Variants in ENOX2 observed in about 807,000 individuals in gnomAD.
The protein encoded by ENOX2 is APK1 antigen.
Under a neutral mutation model 45.0 loss-of-function variants are expected in ENOX2, and 36 were observed. The observed-to-expected ratio is 0.80, with a 90% CI of 0.61 to 1.06. The LOEUF is 1.06. Ranked by LOEUF, ENOX2 falls within the 50% of genes least tolerant of loss-of-function variation. The pLI is 0.00. For missense variants in ENOX2, 423 were observed against 462.5 expected, an observed-to-expected ratio of 0.91 and a Z score of 0.78; for synonymous variants, 174 against 152.3, an observed-to-expected ratio of 1.14 and a Z score of -1.05.
intron 3 of ENOX2, among the ~76,000 whole-genome samples, chrX:130,746,232 C>G (rs1478922756): frequency 8.9e-6 from 1 of 112,168 alleles, no homozygotes; most frequent in Non-Finnish European, 1.9e-5. Context: ...CCAGAAGACA[C>G]TGTACTCACC....
At chrX:130,632,172 T>G (rs149994633) in intron 12 of ENOX2, among the ~76,000 whole-genome samples, 3 of 110,808 alleles carry the variant, frequency 2.7e-5, no homozygotes, top group East Asian at 6.1e-4. Flanking sequence ...CACTGACAGT[T>G]AATCAACTGT....
intron 12 of ENOX2, among the ~76,000 whole-genome samples, chrX:130,632,062 T>TAA (rs747314160): frequency 9.0e-6 from 1 of 111,266 alleles, no homozygotes; most frequent in Non-Finnish European, 1.9e-5. Context: ...CTGTTAATGG[T>TAA]AAGTCCCATC....
At chrX:130,781,388 T>C (rs1265799042) in intron 3 of ENOX2, among the ~76,000 whole-genome samples, 1 of 112,476 alleles carries the variant, frequency 8.9e-6, no homozygotes, top group Non-Finnish European at 1.9e-5. Flanking sequence ...TGAATGCAAA[T>C]TGTTCTGCTA....
chrX:130,845,938 G>A (rs1024477626), intron 2 of ENOX2, among the ~76,000 whole-genome samples: 4 of 112,554 alleles, frequency 3.6e-5, no homozygotes, highest in South Asian at 3.7e-4. Flanking sequence ...CGTGCATTGT[G>A]CTTGCTGGTC....
intron 5 of ENOX2, among the ~76,000 whole-genome samples, chrX:130,682,216 C>T (rs1442299070): frequency 1.8e-5 from 2 of 110,295 alleles, no homozygotes; most frequent in Non-Finnish European, 3.8e-5. Context: ...TTTGAGTTTC[C>T]TTTAGTCTAC....
chrX:130,743,473 A>AT (rs144700742), intron 3 of ENOX2, among the ~76,000 whole-genome samples: 1,251 of 97,714 alleles, frequency 0.013, 20 homozygotes, highest in African/African-American at 0.036. Context: ...CCTATGAGGG[A>AT]TTTTTTTTTT....
chrX:130,761,566 G>A lies in ENOX2; in HGVS notation c.-39+21981C>T, dbSNP rs144035324. Among the ~76,000 whole-genome samples, 432 of 111,728 alleles carry A rather than the reference G, an allele frequency of 3.9e-3. 2 individuals carry two copies. The highest frequency in any genetic ancestry group is 0.014 in the African/African-American group (417 of 30,732). On this transcript the variant is annotated intron_variant, in intron 3 of 14. Coordinates refer to ENST00000394363, the MANE Select transcript of ENOX2 (RefSeq NM_006375.4). ...AGGAAAGAAGTTTAATTGACTCATC[G>A]TACTGCAAACTTTACAGAAAGCATG...
At chrX:130,803,137 G>A (rs1006511836) in intron 2 of ENOX2, among the ~76,000 whole-genome samples, 1 of 111,796 alleles carries the variant, frequency 8.9e-6, no homozygotes, top group Non-Finnish European at 1.9e-5. Flanking sequence ...TTTTAAAAGT[G>A]AATAATTTAT....
Position 130,635,021 on chromosome X carries a change from A to G in ENOX2, c.1382T>C (p.Leu461Ser). 1 of 1,195,364 alleles carries G rather than the reference A, an allele frequency of 8.4e-7. No individual in the cohort carries two copies. Among genetic ancestry groups the G allele is most frequent in the Non-Finnish European group, 1.1e-6 (1 of 881,898 alleles). The change falls in exon 12 of 15, where the codon TTA becomes TCA. Residue 461 changes from leucine (L) to serine (S), a missense_variant. Physicochemically the swap from Leu to Ser is moderately radical, Grantham distance 145. Around this residue, in one of 5 missense-constraint regions of ENOX2, gnomAD observed 108 missense variants for 70.6 expected, o/e 1.53. Transcript: ENST00000394363. Reference protein sequence around the residue: ...AELEKLKDDKLQVEKMLENLK... With the variant: ...AELEKLKDDKSQVEKMLENLK... ...ATTTTCCAACATTTTTTCCACCTGT[A>G]ACTTGTCATCTTTGAGTTTTTCAAG...
At chrX:130,630,912 A>G (rs2035683960) in intron 13 of ENOX2, among the ~76,000 whole-genome samples, 1 of 110,833 alleles carries the variant, frequency 9.0e-6, no homozygotes, top group Non-Finnish European at 1.9e-5. Context: ...GGTATTGAAG[A>G]GTTGGAGATG....
At chrX:130,753,212 T>C (rs1037618070) in intron 3 of ENOX2, among the ~76,000 whole-genome samples, 1 of 110,643 alleles carries the variant, frequency 9.0e-6, no homozygotes, top group African/African-American at 3.3e-5. Context: ...CTACCCTGTT[T>C]TCTCTCTCTC....
chrX:130,740,270 G>T (rs2016900), intron 3 of ENOX2, among the ~76,000 whole-genome samples: 1 of 110,755 alleles, frequency 9.0e-6, no homozygotes, highest in Admixed American at 9.6e-5. Context: ...GCAAGGTGAC[G>T]CACACCTGTA....
In ENOX2 at chrX:130,625,113, T is replaced by C. The variant is rs1028166004; in HGVS notation, c.*201A>G. 1.0e-5 allele frequency: 4 copies of C among 392,874 alleles called. No homozygotes were observed. Among genetic ancestry groups the C allele is most frequent in the Non-Finnish European group, 1.3e-5 (3 of 229,691 alleles). 32.4% of individuals were successfully genotyped at this position (392,874 alleles called of 1,213,427 possible). ...AAAGGGGAGGAAGTTACAGCACTTG[T>C]GGTTTGAGGCAATTTCTCTTTAGGG... is the stretch of plus-strand genomic sequence containing the variant. On this transcript the variant is annotated 3_prime_UTR_variant, in exon 15 of 15. Coordinates refer to ENST00000394363, the MANE Select transcript of ENOX2 (RefSeq NM_006375.4).
Position 130,631,582 on chromosome X carries a change from G to T in ENOX2, c.1420-6C>A. The T allele has an allele frequency of 9.2e-7, 1 of 1,083,361 alleles. No individual in the cohort carries two copies. Among genetic ancestry groups the T allele is most frequent in the Non-Finnish European group, 1.3e-6 (1 of 778,957 alleles). The allele number at this position is 1,083,361 out of a possible 1,213,427, so 89.3% of individuals were successfully genotyped here. A position where few individuals can be genotyped will look rare whatever the true frequency, so the allele number is the denominator to read the frequency against. ...AGCCTAGAAGCACAGCTTTCCTGTG[G>T]ACACAACATGCTTCTAGGTCAGTTC... On this transcript the variant is annotated splice_polypyrimidine_tract_variant and splice_region_variant and intron_variant, in intron 12 of 14. Coordinates refer to ENST00000394363, the MANE Select transcript of ENOX2 (RefSeq NM_006375.4).
intron 6 of ENOX2, among the ~76,000 whole-genome samples, chrX:130,677,531 A>C (rs2037184836): frequency 8.9e-6 from 1 of 112,035 alleles, no homozygotes; most frequent in Non-Finnish European, 1.9e-5. Flanking sequence ...GCAAAGAAGT[A>C]GTTCAATGTG....
intron 2 of ENOX2, among the ~76,000 whole-genome samples, chrX:130,895,520 A>G (rs1239933611): frequency 8.9e-6 from 1 of 111,909 alleles, no homozygotes; most frequent in Non-Finnish European, 1.9e-5. Context: ...CTGAAGTAAC[A>G]TTTTCCATAG....
intron 2 of ENOX2, among the ~76,000 whole-genome samples, chrX:130,876,572 G>T (rs2078706851): frequency 9.0e-6 from 1 of 111,612 alleles, no homozygotes; most frequent in Non-Finnish European, 1.9e-5. Context: ...ATATACTAAA[G>T]ATCACTAAAT....
chrX:130,883,277 A>C (rs917137917), intron 2 of ENOX2, among the ~76,000 whole-genome samples: 3 of 110,650 alleles, frequency 2.7e-5, no homozygotes, highest in Non-Finnish European at 5.7e-5. Flanking sequence ...TGCCCGGCTA[A>C]TTTTTATATT....
chrX:130,651,426 T>C (rs1002101771), intron 10 of ENOX2, among the ~76,000 whole-genome samples: 4 of 112,302 alleles, frequency 3.6e-5, no homozygotes, highest in African/African-American at 1.3e-4. Context: ...ACTAAGCTAG[T>C]TCATTAGCTG....
Sources: allele counts gnomAD v4.1 joint callset (sites outside exome capture counted in the v4.1 genomes callset), GRCh38; gene constraint gnomAD v4.1.1; regional missense constraint gnomAD v4.1.1; transcripts MANE v1.5; gene names NCBI Gene and HGNC (gene_info 2026-07-23, HGNC 2026-07-21).